The following MTHFS variants were observed in gnomAD, a reference collection of about 807,000 sequenced individuals.
The protein encoded by MTHFS is methenyltetrahydrofolate synthetase.
Under a neutral mutation model 12.7 loss-of-function variants are expected in MTHFS, and 7 were observed. The ratio of observed to expected loss-of-function variants is 0.55; its 90% CI spans 0.31 to 1.03. The LOEUF is 1.03. Among genes scored for constraint, MTHFS ranks in the 50% least tolerant of loss-of-function variants. The probability of loss-of-function intolerance (pLI) is 0.05; values close to 1 mark genes in which losing one functional copy is unlikely to be tolerated. For missense variants in MTHFS, 252 were observed against 258.1 expected (o/e 0.98, Z 0.16); for synonymous variants, 100 against 97.1 (o/e 1.03, Z -0.18).
At chr15:79,846,047 G>A (rs1157005407) in intron 2 of MTHFS, among the ~76,000 whole-genome samples, 1 of 152,218 alleles carries the variant, frequency 6.6e-6, no homozygotes, top group Non-Finnish European at 1.5e-5. Context: ...CCCACAACTA[G>A]TTCTCTGGCT....
chr15:79,859,655 T>A (rs1307613449), intron 2 of MTHFS, among the ~76,000 whole-genome samples: 1 of 151,952 alleles, frequency 6.6e-6, no homozygotes, highest in Non-Finnish European at 1.5e-5. Flanking sequence ...CCGTCTCTTC[T>A]AAAAATACAA....
intron 2 of MTHFS, among the ~76,000 whole-genome samples, chr15:79,882,944 G>T (rs113473965): frequency 1.3e-5 from 2 of 152,214 alleles, no homozygotes; most frequent in Non-Finnish European, 2.9e-5. Flanking sequence ...AGTGGCTCAC[G>T]CCTATAATCC....
intron 2 of MTHFS, among the ~76,000 whole-genome samples, chr15:79,857,914 G>A (rs2033839326): frequency 6.6e-6 from 1 of 150,926 alleles, no homozygotes; most frequent in African/African-American, 2.4e-5. Flanking sequence ...TACTCAAGAG[G>A]CTGAGACAGG....
chr15:79,863,640 C>T (rs1420880861), intron 2 of MTHFS, among the ~76,000 whole-genome samples: 2 of 152,210 alleles, frequency 1.3e-5, no homozygotes, highest in Admixed American at 6.5e-5. Flanking sequence ...TGACCTTGTG[C>T]CTAAGTTCTG....
At position 79,896,970 on chromosome 15, in the gene MTHFS, T is replaced by TCACCGCTGC. The variant is rs976258831; in HGVS notation, c.10_18dup (p.Ala4_Val6dup). 6.5e-7 allele frequency: 1 copy of TCACCGCTGC among 1,532,214 alleles called. No homozygotes were observed. The highest frequency in any genetic ancestry group is 1.4e-5 in the African/African-American group (1 of 71,944). The allele number at this position is 1,532,214 out of a possible 1,614,324, so 94.9% of individuals were successfully genotyped here. ...CCCCGCAGGCTCCGCTTGGCGCTGC[T>TCACCGCTGC]CACCGCTGCCGCCGCCATCTCACGC... is the stretch of plus-strand genomic sequence containing the variant. On this transcript the variant is annotated inframe_insertion, in exon 1 of 3. Coordinates refer to ENST00000258874, the MANE Select transcript of MTHFS (RefSeq NM_006441.4).
chr15:79,869,137 A>G (rs1455677880), intron 2 of MTHFS, among the ~76,000 whole-genome samples: 2 of 152,212 alleles, frequency 1.3e-5, no homozygotes, highest in African/African-American at 2.4e-5. Context: ...ACGAAAGCAG[A>G]CTCTTGGCAA....
intron 2 of MTHFS, chr15:79,877,892 A>G (rs779502281): frequency 1.3e-5 from 2 of 152,132 alleles, no homozygotes; most frequent in Non-Finnish European, 2.9e-5. Context: ...ATGTCAACTA[A>G]GAATTTCATA....
chr15:79,877,045 A>G (rs34287488), intron 2 of MTHFS: 1 of 149,836 alleles, frequency 6.7e-6, no homozygotes, highest in African/African-American at 2.5e-5. Context: ...CTCCTTTTTT[A>G]AAAAAAAAAG....
At chr15:79,888,211 T>C (rs975049649) in intron 2 of MTHFS, among the ~76,000 whole-genome samples, 4 of 152,124 alleles carry the variant, frequency 2.6e-5, no homozygotes, top group African/African-American at 4.8e-5. Flanking sequence ...GACCCAGCAG[T>C]AGAGAAGGCA....
chr15:79,873,754 G>T (rs994560273), intron 2 of MTHFS, among the ~76,000 whole-genome samples: 1 of 152,162 alleles, frequency 6.6e-6, no homozygotes, highest in Non-Finnish European at 1.5e-5. Context: ...CAGCTCTGCT[G>T]CCAGAAGGGG....
At chr15:79,872,061 C>G (rs1401309096) in intron 2 of MTHFS, among the ~76,000 whole-genome samples, 1 of 133,292 alleles carries the variant, frequency 7.5e-6, no homozygotes, top group Non-Finnish European at 1.5e-5. Flanking sequence ...GCTGAGATAA[C>G]ACCACTGCAC....
intron 2 of MTHFS, among the ~76,000 whole-genome samples, chr15:79,849,658 A>G (rs1305605645): frequency 1.3e-5 from 2 of 152,252 alleles, no homozygotes; most frequent in African/African-American, 4.8e-5. Flanking sequence ...TCAAATCGCC[A>G]AAGACTCATT....
chr15:79,851,240 T>C (rs1332847665), intron 2 of MTHFS, among the ~76,000 whole-genome samples: 5 of 152,206 alleles, frequency 3.3e-5, no homozygotes, highest in African/African-American at 1.2e-4. Context: ...TGTGACCAGC[T>C]CTTATCCTAT....
At chr15:79,877,945 C>A (rs996016851) in intron 2 of MTHFS, 5 of 151,838 alleles carry the variant, frequency 3.3e-5, no homozygotes, top group African/African-American at 1.2e-4. Context: ...ATAAGACATT[C>A]CTAGATAAAC....
At chr15:79,892,268 C>A (rs542618387) in intron 1 of MTHFS, among the ~76,000 whole-genome samples, 3 of 152,212 alleles carry the variant, frequency 2.0e-5, no homozygotes, top group South Asian at 2.1e-4. Flanking sequence ...TAAGGAGGAA[C>A]CCCAGGGCAA....
intron 2 of MTHFS, among the ~76,000 whole-genome samples, chr15:79,881,125 C>A (rs1034455578): frequency 6.6e-6 from 1 of 152,118 alleles, no homozygotes; most frequent in African/African-American, 2.4e-5. Context: ...AACATAGAAA[C>A]CTAATAGACA....
chr15:79,849,956 C>G (rs1386723992), intron 2 of MTHFS, among the ~76,000 whole-genome samples: 1 of 152,266 alleles, frequency 6.6e-6, no homozygotes, highest in Non-Finnish European at 1.5e-5. Flanking sequence ...GGTGCTGGCT[C>G]TGAAACAGCA....
intron 2 of MTHFS, among the ~76,000 whole-genome samples, chr15:79,848,590 G>C (rs962092079): frequency 2.0e-5 from 3 of 152,190 alleles, no homozygotes; most frequent in Non-Finnish European, 4.4e-5. Flanking sequence ...CAATACACAA[G>C]AAAGAAAAGG....
chr15:79,863,978 G>C (rs1233595022), intron 2 of MTHFS, among the ~76,000 whole-genome samples: 2 of 152,198 alleles, frequency 1.3e-5, no homozygotes, highest in Non-Finnish European at 2.9e-5. Context: ...CACAGCACAT[G>C]ACGGCAGTAA....
Sources: allele counts gnomAD v4.1 joint callset (sites outside exome capture counted in the v4.1 genomes callset), GRCh38; gene constraint gnomAD v4.1.1; transcripts MANE v1.5; gene names NCBI Gene and HGNC (gene_info 2026-07-23, HGNC 2026-07-21).